AKAP13: variants seen among roughly 807,000 people sequenced by gnomAD.
AKAP13 encodes the protein A-kinase anchoring protein 13.
In AKAP13, 80 loss-of-function variants were observed where a neutral mutation model predicts 264.5. That is an observed-to-expected ratio of 0.30 (90% CI 0.25 to 0.36). The LOEUF is 0.36. Among genes scored for constraint, AKAP13 ranks in the 10% least tolerant of loss-of-function variants. The pLI is 1.00. For synonymous variants in AKAP13, 1,380 were observed against 1,250.2 expected, an observed-to-expected ratio of 1.10 and a Z score of -2.19; for missense variants, 3,712 against 3,435.2, an observed-to-expected ratio of 1.08 and a Z score of -2.01.
intron 1 of AKAP13, among the ~76,000 whole-genome samples, chr15:85,464,288 A>AT (rs1329450076): frequency 3.9e-5 from 6 of 152,138 alleles, no homozygotes; most frequent in African/African-American, 1.4e-4. Flanking sequence ...CCAGTTACAG[A>AT]TTTTGGAAGG....
In AKAP13 at chr15:85,655,617, T is replaced by C. The variant is rs2083058882; in HGVS notation, c.4575T>C (p.Ser1525=). The change falls in exon 11 of 37, where the codon AGT becomes AGC. Residue 1525 remains serine (S), a synonymous_variant. Coordinates refer to ENST00000394518, the MANE Select transcript of AKAP13 (RefSeq NM_007200.5). Reference sequence around the variant, plus strand: ...GAGCTGAGGGTCGAGAAAGTGAGAGTGAGCCTGCTGACCCAGGCGACGTGG... The same window carrying C: ...GAGCTGAGGGTCGAGAAAGTGAGAGCGAGCCTGCTGACCCAGGCGACGTGG... ...GMGAEGRESE[S]EPADPGDVEE... is the part of the protein sequence containing the mutation. 1 of 1,613,966 alleles carries C rather than the reference T, an allele frequency of 6.2e-7. No individual in the cohort carries two copies. The highest frequency in any genetic ancestry group is 1.1e-5 in the South Asian group (1 of 91,090).
intron 2 of AKAP13, among the ~76,000 whole-genome samples, chr15:85,501,846 G>A (rs1185649948): frequency 2.6e-5 from 4 of 152,146 alleles, no homozygotes; most frequent in Admixed American, 6.5e-5. Flanking sequence ...GGGAAGAAGC[G>A]GGCTATTGCC....
chr15:85,635,969 G>C (rs1188432921), intron 8 of AKAP13, among the ~76,000 whole-genome samples: 1 of 152,120 alleles, frequency 6.6e-6, no homozygotes, highest in Admixed American at 6.5e-5. Flanking sequence ...GGTTAGTGCA[G>C]CTTTTATAGT....
At chr15:85,610,403 C>T (rs1470808304) in intron 8 of AKAP13, among the ~76,000 whole-genome samples, 3 of 152,172 alleles carry the variant, frequency 2.0e-5, no homozygotes, top group Non-Finnish European at 4.4e-5. Context: ...GACAGCAGTA[C>T]GTGTATTCAA....
At chr15:85,441,116 CA>C (rs2073632640) in intron 1 of AKAP13, among the ~76,000 whole-genome samples, 1 of 152,030 alleles carries the variant, frequency 6.6e-6, no homozygotes, top group Admixed American at 6.6e-5. Context: ...CACTGTTTTC[CA>C]AAGTGGCTAT....
chr15:85,410,575 C>G (rs1300277015), intron 1 of AKAP13, among the ~76,000 whole-genome samples: 2 of 151,526 alleles, frequency 1.3e-5, no homozygotes, highest in Non-Finnish European at 2.9e-5. Flanking sequence ...CAGTGTCAGT[C>G]AAGGCATTTT....
intron 22 of AKAP13, 63 bp from the exon 23 acceptor site, chr15:85,719,013 A>G: frequency 6.3e-7 from 1 of 1,588,200 alleles, no homozygotes; most frequent in South Asian, 1.1e-5. Context: ...GCAGCAGATG[A>G]TCTTTGAGGG....
rs1049805006 is a variant in AKAP13, at chr15:85,570,958, G to GTT, written c.663-4162_663-4161dup. On this transcript the variant is annotated intron_variant, in intron 5 of 36. Coordinates refer to ENST00000394518, the MANE Select transcript of AKAP13 (RefSeq NM_007200.5). ...GGTGGGGAAATGCATTGTTGTTGTT[G>GTT]TTTTTTTTTTTTGTAATGACAGTTG... is the stretch of plus-strand genomic sequence containing the variant. Among the ~76,000 whole-genome samples the GTT allele has an allele frequency of 6.3e-5, 9 of 143,776 alleles. No homozygotes were observed. The East Asian group carries it at 1.4e-3, about 22-fold the overall frequency. The allele number at this position is 143,776 out of a possible 152,430, so 94.3% of individuals were successfully genotyped here.
At chr15:85,587,537 A>C (rs532943050) in intron 8 of AKAP13, among the ~76,000 whole-genome samples, 1 of 152,298 alleles carries the variant, frequency 6.6e-6, no homozygotes, top group East Asian at 1.9e-4. Context: ...TTATATACCT[A>C]GTGGAGTTGC....
rs1567140811 is a variant in AKAP13, at chr15:85,585,147, A to G, written c.4040-555A>G. 2.0e-5 allele frequency among the ~76,000 whole-genome samples: 3 copies of G among 152,234 alleles called. No homozygotes were observed. The East Asian group carries it at 5.8e-4, about 29-fold the overall frequency. On this transcript the variant is annotated intron_variant, in intron 7 of 36. Coordinates refer to ENST00000394518, the MANE Select transcript of AKAP13 (RefSeq NM_007200.5). ...TGATTAGGTTTCAGTTTTGGAAGAAATAAGGGTTAAAAATAAGACGTAACT... is the reference window on the plus strand; with the variant it reads ...TGATTAGGTTTCAGTTTTGGAAGAAGTAAGGGTTAAAAATAAGACGTAACT...
At position 85,416,643 on chromosome 15, in the gene AKAP13, G is replaced by C. The variant is rs553627166; in HGVS notation, c.-12+35845G>C. Among the ~76,000 whole-genome samples, 8 of 152,292 alleles carry C rather than the reference G, an allele frequency of 5.3e-5. No homozygotes were observed. In the South Asian group the frequency reaches 1.5e-3, roughly 28 times the overall value. ...TGCATAATTTGCTTTAACTTGCAGG[G>C]TGTGTTAAGTATTGAATCACATCTA... On this transcript the variant is annotated intron_variant, in intron 1 of 36. Transcript: ENST00000394518.
intron 1 of AKAP13, among the ~76,000 whole-genome samples, chr15:85,399,011 T>TA (rs1314700429): frequency 6.6e-6 from 1 of 152,202 alleles, no homozygotes; most frequent in Non-Finnish European, 1.5e-5. Flanking sequence ...GCCTTATACA[T>TA]ACATCTGTGT....
intron 8 of AKAP13, among the ~76,000 whole-genome samples, chr15:85,603,816 C>G (rs1318517440): frequency 6.6e-6 from 1 of 152,194 alleles, no homozygotes; most frequent in Admixed American, 6.5e-5. Context: ...GTCCTCTTCG[C>G]TCTCTCAGGC....
chr15:85,714,140 T>C (rs1047468561), intron 19 of AKAP13, among the ~76,000 whole-genome samples: 1 of 152,254 alleles, frequency 6.6e-6, no homozygotes, highest in Non-Finnish European at 1.5e-5. Context: ...TTGTTTGTTA[T>C]GTGTATTATA....
chr15:85,694,776 C>T (rs908985461), intron 17 of AKAP13, among the ~76,000 whole-genome samples: 12 of 152,090 alleles, frequency 7.9e-5, no homozygotes, highest in African/African-American at 2.9e-4. Context: ...TCCAGTCACC[C>T]GGAAGGCTGA....
intron 17 of AKAP13, among the ~76,000 whole-genome samples, chr15:85,706,220 G>T (rs1460170553): frequency 6.6e-6 from 1 of 152,104 alleles, no homozygotes; most frequent in Non-Finnish European, 1.5e-5. Flanking sequence ...AACCAGAAAG[G>T]AGCATGCCAG....
At chr15:85,560,715 A>G (rs1157495991) in intron 5 of AKAP13, among the ~76,000 whole-genome samples, 2 of 152,116 alleles carry the variant, frequency 1.3e-5, no homozygotes, top group Admixed American at 6.5e-5. Flanking sequence ...TGATTTTTAA[A>G]AAAATTAAAA....
chr15:85,406,674 T>G (rs1226752415), intron 1 of AKAP13, among the ~76,000 whole-genome samples: 1 of 151,594 alleles, frequency 6.6e-6, no homozygotes, highest in African/African-American at 2.4e-5. Flanking sequence ...ATAAACTACT[T>G]ATGTTATTTG....
At chr15:85,679,324 A>G (rs2084451266) in intron 14 of AKAP13, among the ~76,000 whole-genome samples, 1 of 152,176 alleles carries the variant, frequency 6.6e-6, no homozygotes. Context: ...AGTTAATCCG[A>G]CACAATGGAA....
Sources: allele counts gnomAD v4.1 joint callset (sites outside exome capture counted in the v4.1 genomes callset), GRCh38; gene constraint gnomAD v4.1.1; transcripts MANE v1.5; gene names NCBI Gene and HGNC (gene_info 2026-07-23, HGNC 2026-07-21).